The following MAP2K5 variants were observed in gnomAD, a reference collection of about 807,000 sequenced individuals.
MAP2K5 encodes mitogen-activated protein kinase kinase 5, also known as dual specificity mitogen-activated protein kinase kinase 5.
In MAP2K5, 49 loss-of-function variants were observed where a neutral mutation model predicts 83.1. That is an observed-to-expected ratio of 0.59 (90% CI 0.47 to 0.75). MAP2K5 has a LOEUF of 0.75. Among genes scored for constraint, MAP2K5 ranks in the 30% least tolerant of loss-of-function variants. The pLI is 0.00. For missense variants in MAP2K5, 457 were observed against 557.5 expected, an observed-to-expected ratio of 0.82 and a Z score of 1.82; for synonymous variants, 202 against 191.8, an observed-to-expected ratio of 1.05 and a Z score of -0.44.
intron 16 of MAP2K5, among the ~76,000 whole-genome samples, chr15:67,712,264 C>CTT (rs1361980508): frequency 6.6e-6 from 1 of 152,212 alleles, no homozygotes; most frequent in Non-Finnish European, 1.5e-5. Context: ...ACTAGGAAGA[C>CTT]TTAAAGATCC....
At chr15:67,745,377 A>G (rs1475304591) in intron 17 of MAP2K5, among the ~76,000 whole-genome samples, 2 of 152,246 alleles carry the variant, frequency 1.3e-5, no homozygotes, top group Admixed American at 6.5e-5. Flanking sequence ...TTTTATATTG[A>G]GGACCCTTGG....
chr15:67,708,665 T>C lies in MAP2K5; in HGVS notation c.1044+5257T>C, dbSNP rs532009889. On this transcript the variant is annotated intron_variant, in intron 16 of 21. Coordinates refer to ENST00000178640, the MANE Select transcript of MAP2K5 (RefSeq NM_145160.3). The surrounding 1 kb of genome is among the most constrained non-coding windows in gnomAD (Gnocchi z 4.9). Reference sequence around the variant, plus strand: ...GTTTTAAACCCCTGAAGTGACAGGGTTCCTCCTTGCCTGCCTTCTTCCTCC... The same window carrying C: ...GTTTTAAACCCCTGAAGTGACAGGGCTCCTCCTTGCCTGCCTTCTTCCTCC... Among the ~76,000 whole-genome samples, 4 of 152,198 alleles carry C rather than the reference T, an allele frequency of 2.6e-5. No individual in the cohort carries two copies. Among genetic ancestry groups the C allele is most frequent in the Admixed American group, 1.3e-4 (2 of 15,286 alleles).
At chr15:67,796,429 G>A (rs1005103876) in intron 21 of MAP2K5, among the ~76,000 whole-genome samples, 3 of 152,148 alleles carry the variant, frequency 2.0e-5, no homozygotes, top group Admixed American at 1.3e-4. Context: ...CATGGCAGAA[G>A]GCAAGAGGGG....
In MAP2K5 at chr15:67,587,871, C is replaced by CT. The variant is rs1458739298; in HGVS notation, c.431+960dup. 6.6e-6 allele frequency among the ~76,000 whole-genome samples: 1 copy of CT among 152,200 alleles called. No homozygotes were observed. The highest frequency in any genetic ancestry group is 1.5e-5 in the Non-Finnish European group (1 of 68,034). On this transcript the variant is annotated intron_variant, in intron 6 of 21. Coordinates refer to ENST00000178640, the MANE Select transcript of MAP2K5 (RefSeq NM_145160.3). The surrounding 1 kb of genome is among the most constrained non-coding windows in gnomAD (Gnocchi z 4.8). Reference sequence around the variant, plus strand: ...GTGCCACACCCTGTCAGTCCCCACACTTGTGGGTTCTACCTTCTGAGTAGC... The same window carrying CT: ...GTGCCACACCCTGTCAGTCCCCACACTTTGTGGGTTCTACCTTCTGAGTAGC...
At chr15:67,697,335 T>C (rs1362905802) in intron 15 of MAP2K5, among the ~76,000 whole-genome samples, 1 of 152,180 alleles carries the variant, frequency 6.6e-6, no homozygotes, top group Non-Finnish European at 1.5e-5. Flanking sequence ...CTCACAACAC[T>C]ATGACATAGG....
At position 67,741,456 on chromosome 15, in the gene MAP2K5, T is replaced by G. The variant is rs114114619; in HGVS notation, c.1075-6775T>G. Among the ~76,000 whole-genome samples, 550 of 152,346 alleles carry G rather than the reference T, an allele frequency of 3.6e-3. 5 individuals carry two copies. The highest frequency in any genetic ancestry group is 0.012 in the African/African-American group (513 of 41,574). On this transcript the variant is annotated intron_variant, in intron 17 of 21. Coordinates refer to ENST00000178640, the MANE Select transcript of MAP2K5 (RefSeq NM_145160.3). ...TATTGGGGTTCCTGGAGCAACCCACTTCCTGTCTGAGAGGGGAACAGCAGG... is the reference window on the plus strand; with the variant it reads ...TATTGGGGTTCCTGGAGCAACCCACGTCCTGTCTGAGAGGGGAACAGCAGG...
intron 8 of MAP2K5, chr15:67,628,510 G>C: frequency 1.4e-6 from 1 of 719,010 alleles, no homozygotes; most frequent in Non-Finnish European, 2.4e-6. Flanking sequence ...ATAAAAAAAA[G>C]ACACTGAGGA....
intron 8 of MAP2K5, among the ~76,000 whole-genome samples, 197 bp downstream of exon 8, chr15:67,600,946 G>A (rs1031543501): frequency 8.5e-5 from 13 of 152,130 alleles, no homozygotes; most frequent in Non-Finnish European, 1.8e-4. Context: ...TAATATTTCC[G>A]AGTCTGCAAC....
intron 3 of MAP2K5, among the ~76,000 whole-genome samples, chr15:67,564,527 GA>G: frequency 6.6e-6 from 1 of 152,310 alleles, no homozygotes; most frequent in Non-Finnish European, 1.5e-5. Context: ...TAGGGTAGGA[GA>G]ATAGAGAACA....
chr15:67,589,204 T>C (rs73433641), intron 6 of MAP2K5, among the ~76,000 whole-genome samples: 1 of 152,248 alleles, frequency 6.6e-6, no homozygotes, highest in African/African-American at 2.4e-5. Flanking sequence ...TGCAGATGAA[T>C]GAAATATTGA....
intron 17 of MAP2K5, among the ~76,000 whole-genome samples, chr15:67,742,486 G>A (rs534856840): frequency 1.3e-5 from 2 of 152,134 alleles, no homozygotes; most frequent in East Asian, 1.9e-4. Flanking sequence ...CTAAAGGACC[G>A]TTCTCAGAAA....
chr15:67,670,516 G>T (rs2087504512), intron 13 of MAP2K5: 1 of 452,224 alleles, frequency 2.2e-6, no homozygotes, highest in Non-Finnish European at 4.4e-6. Context: ...AAGTAAACCA[G>T]ATTTACAGAG....
intron 21 of MAP2K5, among the ~76,000 whole-genome samples, chr15:67,791,279 G>A (rs925633888): frequency 6.6e-6 from 1 of 152,194 alleles, no homozygotes; most frequent in African/African-American, 2.4e-5. Context: ...GGCAAAGACT[G>A]AAGGATCAAA....
intron 2 of MAP2K5, among the ~76,000 whole-genome samples, chr15:67,550,652 A>G (rs143944401): frequency 6.6e-5 from 10 of 152,106 alleles, no homozygotes; most frequent in African/African-American, 2.2e-4. Context: ...GACATCATGG[A>G]ATGAGTCATG....
intron 12 of MAP2K5, among the ~76,000 whole-genome samples, chr15:67,661,743 C>T (rs1249107341): frequency 1.3e-5 from 2 of 152,084 alleles, no homozygotes; most frequent in East Asian, 3.9e-4. Flanking sequence ...TGTATGGAAC[C>T]AATTTTTAGT....
rs1350770352 is a variant in MAP2K5 at position 67,769,233 on chromosome 15, G to A, written c.1135-369G>A. On this transcript the variant is annotated intron_variant, in intron 19 of 21. Transcript: ENST00000178640. The surrounding 1 kb of genome is among the most constrained non-coding windows in gnomAD (Gnocchi z 5.2). ...AGCAAATCCAGTAAAAGAAACAAAG[G>A]TCAACACAAGAATAATTTCACAGCT... Among the ~76,000 whole-genome samples the A allele has an allele frequency of 6.6e-6, 1 of 152,088 alleles. No homozygotes were observed. Among genetic ancestry groups the A allele is most frequent in the Non-Finnish European group, 1.5e-5 (1 of 68,000 alleles).
chr15:67,592,475 C>T (rs1364485346), intron 6 of MAP2K5, among the ~76,000 whole-genome samples: 1 of 152,160 alleles, frequency 6.6e-6, no homozygotes, highest in Non-Finnish European at 1.5e-5. Context: ...ATTTGCTTCC[C>T]AGGAAGCTGA....
intron 1 of MAP2K5, chr15:67,549,311 C>T: frequency 1.0e-6 from 1 of 1,000,600 alleles, no homozygotes; most frequent in East Asian, 2.6e-5. Flanking sequence ...ATTATATACC[C>T]TTTTTAGATT....
At chr15:67,622,144 CAAAAAA>C (rs11289969) in intron 8 of MAP2K5, among the ~76,000 whole-genome samples, 1 of 90,690 alleles carries the variant, frequency 1.1e-5, no homozygotes, top group African/African-American at 4.1e-5. Context: ...GGCTCCATCT[CAAAAAA>C]AAAAAAAAAA....
Sources: allele counts gnomAD v4.1 joint callset (sites outside exome capture counted in the v4.1 genomes callset), GRCh38; gene constraint gnomAD v4.1.1; non-coding constraint Gnocchi (gnomAD v3.1); transcripts MANE v1.5; gene names NCBI Gene and HGNC (gene_info 2026-07-23, HGNC 2026-07-21).